The following ZMIZ1 variants were observed in gnomAD, a reference collection of about 807,000 sequenced individuals.
ZMIZ1 encodes zinc finger MIZ domain-containing protein 1.
In ZMIZ1, 17 loss-of-function variants were observed where a neutral mutation model predicts 113.9. That is an observed-to-expected ratio of 0.15 (90% CI 0.10 to 0.22). The LOEUF (loss-of-function observed/expected upper bound fraction) is 0.22, where lower values mean the gene tolerates loss of function less well. ZMIZ1 is among the 10% of genes least tolerant of loss of function. ZMIZ1 has a pLI of 1.00. For synonymous variants in ZMIZ1, 607 were observed against 603.1 expected, an observed-to-expected ratio of 1.01 and a Z score of -0.09; for missense variants, 1,059 against 1,477.8, an observed-to-expected ratio of 0.72 and a Z score of 4.65.
At chr10:79,234,036 T>C (rs1849496835) in intron 7 of ZMIZ1, among the ~76,000 whole-genome samples, 1 of 152,168 alleles carries the variant, frequency 6.6e-6, no homozygotes, top group Admixed American at 6.5e-5. Flanking sequence ...ATGACACTTC[T>C]AGGGACCACA....
intron 8 of ZMIZ1, chr10:79,285,681 G>GA (rs1374857020): frequency 1.6e-5 from 7 of 439,114 alleles, no homozygotes; most frequent in Non-Finnish European, 3.2e-5. Context: ...AAGGTTTCCT[G>GA]AGCCCTATTG....
At chr10:79,229,730 G>A (rs1849321618) in intron 7 of ZMIZ1, among the ~76,000 whole-genome samples, 1 of 152,208 alleles carries the variant, frequency 6.6e-6, no homozygotes. Flanking sequence ...GGAGCTCACA[G>A]ACCCAGACCT....
intron 1 of ZMIZ1, among the ~76,000 whole-genome samples, chr10:79,073,794 G>T (rs1381946398): frequency 6.6e-6 from 1 of 151,910 alleles, no homozygotes; most frequent in Non-Finnish European, 1.5e-5. Flanking sequence ...CTTGGAGCGG[G>T]GTATGAGAAG....
intron 5 of ZMIZ1, among the ~76,000 whole-genome samples, chr10:79,203,132 G>A (rs920355570): frequency 1.4e-4 from 21 of 152,232 alleles, no homozygotes; most frequent in African/African-American, 4.6e-4. Flanking sequence ...CTGGGCTTCC[G>A]CCAGGCAGAA....
intron 7 of ZMIZ1, among the ~76,000 whole-genome samples, chr10:79,218,140 A>G (rs1243517776): frequency 6.6e-6 from 1 of 152,174 alleles, no homozygotes; most frequent in Non-Finnish European, 1.5e-5. Context: ...TAGATAGTAC[A>G]TAGAGGAGTG....
chr10:79,150,818 G>T (rs965817173), intron 3 of ZMIZ1, among the ~76,000 whole-genome samples: 1 of 152,028 alleles, frequency 6.6e-6, no homozygotes, highest in Non-Finnish European at 1.5e-5. Flanking sequence ...GCATGCCTCC[G>T]TCTCTCAGCT....
At chr10:79,092,822 G>T (rs1301088654) in intron 1 of ZMIZ1, among the ~76,000 whole-genome samples, 1 of 152,198 alleles carries the variant, frequency 6.6e-6, no homozygotes, top group Non-Finnish European at 1.5e-5. Context: ...TGGCAGAGGG[G>T]TGGTCAGGTA....
intron 7 of ZMIZ1, among the ~76,000 whole-genome samples, chr10:79,274,250 C>G (rs1852126231): frequency 6.6e-6 from 1 of 152,266 alleles, no homozygotes; most frequent in African/African-American, 2.4e-5. Context: ...CCTCCCGTCT[C>G]TCCCACTCAC....
chr10:79,201,454 G>T, intron 4 of ZMIZ1, 130 bp from the exon 5 acceptor site: 1 of 685,476 alleles, frequency 1.5e-6, no homozygotes, highest in Admixed American at 2.4e-5. Flanking sequence ...GGTACCCCAG[G>T]TGCAGCCCCA....
intron 23 of ZMIZ1, among the ~76,000 whole-genome samples, chr10:79,308,513 G>C (rs928838672): frequency 1.3e-4 from 20 of 152,166 alleles, no homozygotes; most frequent in African/African-American, 4.8e-4. Flanking sequence ...CCAGAGTCTG[G>C]CAGTGGGCTT....
At chr10:79,200,459 A>T (rs535565809) in intron 4 of ZMIZ1, among the ~76,000 whole-genome samples, 5 of 152,316 alleles carry the variant, frequency 3.3e-5, no homozygotes, top group African/African-American at 1.2e-4. Flanking sequence ...TGTCATCCAG[A>T]GGGAAGTCCC....
At chr10:79,162,572 C>G (rs1181881677) in intron 4 of ZMIZ1, among the ~76,000 whole-genome samples, 1 of 152,206 alleles carries the variant, frequency 6.6e-6, no homozygotes, top group Non-Finnish European at 1.5e-5. Context: ...GAGATGGATA[C>G]ACTGGGCTCT....
chr10:79,069,543 G>A lies in ZMIZ1; in HGVS notation c.-337+273G>A, dbSNP rs915149600. Among the ~76,000 whole-genome samples, 1 of 151,856 alleles carries A rather than the reference G, an allele frequency of 6.6e-6. No homozygotes were observed. The highest frequency in any genetic ancestry group is 1.5e-5 in the Non-Finnish European group (1 of 67,910). On this transcript the variant is annotated intron_variant, in intron 1 of 24. Coordinates refer to ENST00000334512, the MANE Select transcript of ZMIZ1 (RefSeq NM_020338.4). This position sits in a 1 kb window ranked among gnomAD's most constrained non-coding sequence, Gnocchi z 4.6. The stretch of plus-strand genomic sequence containing the variant: ...TTGTCAGGGTGTGCGGGGCGTAAGT[G>A]TGGTCGTGCGCGCGCGGACCCGGTG...
Position 79,307,385 on chromosome 10 carries a change from C to G in ZMIZ1, c.2669-20C>G. 6.2e-7 allele frequency: 1 copy of G among 1,610,256 alleles called. No individual in the cohort carries two copies. Among genetic ancestry groups the G allele is most frequent in the East Asian group, 2.2e-5 (1 of 44,696 alleles). On this transcript the variant is annotated intron_variant, in intron 22 of 24. Transcript: ENST00000334512. Reference sequence around the variant, plus strand: ...TCCCTCTGGGTGACCCCCTCCCCTCCCCATCTCATCCCTTCCTAGGCAACA... The same window carrying G: ...TCCCTCTGGGTGACCCCCTCCCCTCGCCATCTCATCCCTTCCTAGGCAACA...
At chr10:79,217,563 C>T (rs1396899925) in intron 7 of ZMIZ1, among the ~76,000 whole-genome samples, 2 of 152,182 alleles carry the variant, frequency 1.3e-5, no homozygotes, top group African/African-American at 2.4e-5. Context: ...ATAAAATGGA[C>T]GTTTTCACTG....
intron 7 of ZMIZ1, among the ~76,000 whole-genome samples, chr10:79,240,596 A>G (rs1193554399): frequency 1.4e-5 from 2 of 143,138 alleles, no homozygotes; most frequent in African/African-American, 5.4e-5. Context: ...CTTGAAAACA[A>G]TTTGTTTTCC....
intron 1 of ZMIZ1, among the ~76,000 whole-genome samples, chr10:79,100,972 C>T (rs1296528586): frequency 2.6e-5 from 4 of 152,128 alleles, no homozygotes. Context: ...CTGAAAACTG[C>T]AGGTCTGATG....
intron 5 of ZMIZ1, among the ~76,000 whole-genome samples, chr10:79,201,912 G>T (rs1225033847): frequency 6.6e-6 from 1 of 151,890 alleles, no homozygotes; most frequent in Non-Finnish European, 1.5e-5. Context: ...ACCCTTCCCA[G>T]CTGTGTGACG....
intron 24 of ZMIZ1, among the ~76,000 whole-genome samples, chr10:79,311,688 G>A (rs1376932303): frequency 6.6e-6 from 1 of 152,044 alleles, no homozygotes; most frequent in South Asian, 2.1e-4. Flanking sequence ...ACAGAAGGTG[G>A]GGGCAGAGGG....
Sources: allele counts gnomAD v4.1 joint callset (sites outside exome capture counted in the v4.1 genomes callset), GRCh38; gene constraint gnomAD v4.1.1; non-coding constraint Gnocchi (gnomAD v3.1); transcripts MANE v1.5; gene names NCBI Gene and HGNC (gene_info 2026-07-23, HGNC 2026-07-21).